The following SCGN variants were observed in gnomAD, a reference collection of about 807,000 sequenced individuals.
The protein encoded by SCGN is secretagogin, EF-hand calcium binding protein.
SCGN carries 30 observed loss-of-function variants against 39.7 expected under a neutral mutation model. The observed-to-expected ratio is 0.76, with a 90% CI of 0.57 to 1.03. The LOEUF is 1.03. Among genes scored for constraint, SCGN ranks in the 50% least tolerant of loss-of-function variants. The pLI is 0.00. For synonymous variants in SCGN, 106 were observed against 114.1 expected (o/e 0.93, Z 0.45); for missense variants, 353 against 349.4 (o/e 1.01, Z -0.08).
chr6:25,671,033 T>G (rs1340817861), intron 6 of SCGN, among the ~76,000 whole-genome samples: 1 of 148,524 alleles, frequency 6.7e-6, no homozygotes, highest in Non-Finnish European at 1.5e-5. Context: ...ATATTTATTA[T>G]ATAAAGAGTT....
At chr6:25,653,285 AG>A in intron 1 of SCGN, 96 bp from the exon 2 acceptor site, 1 of 835,274 alleles carries the variant, frequency 1.2e-6, no homozygotes, top group South Asian at 1.7e-5. Flanking sequence ...TGTTGAGGGA[AG>A]CTTTATGAAT....
intron 10 of SCGN, among the ~76,000 whole-genome samples, chr6:25,694,394 C>T (rs1174526946): frequency 6.6e-6 from 1 of 152,068 alleles, no homozygotes; most frequent in Non-Finnish European, 1.5e-5. Flanking sequence ...AATACTAGAC[C>T]ATGCAAAAAA....
chr6:25,652,566 C>A, intron 1 of SCGN, 81 bp downstream of exon 1: 1 of 1,348,758 alleles, frequency 7.4e-7, no homozygotes. Flanking sequence ...GGAGTTTCCC[C>A]TTTACTGTAG....
At chr6:25,680,339 G>C (rs1255711031) in intron 6 of SCGN, among the ~76,000 whole-genome samples, 5 of 152,202 alleles carry the variant, frequency 3.3e-5, no homozygotes, top group African/African-American at 4.8e-5. Context: ...GAAAGTAGAA[G>C]AGCAGACACA....
intron 10 of SCGN, among the ~76,000 whole-genome samples, chr6:25,692,141 G>T (rs2151382964): frequency 6.6e-6 from 1 of 152,242 alleles, no homozygotes; most frequent in East Asian, 1.9e-4. Flanking sequence ...ACGGGCATTT[G>T]CACAGCCAGA....
At chr6:25,682,096 A>T in intron 7 of SCGN, 90 bp downstream of exon 7, 1 of 948,358 alleles carries the variant, frequency 1.1e-6, no homozygotes, top group Non-Finnish European at 1.7e-6. Flanking sequence ...ACTGGAGATC[A>T]AGCCTCACCT....
chr6:25,687,772 T>G (rs921246764), intron 7 of SCGN, among the ~76,000 whole-genome samples: 24 of 152,194 alleles, frequency 1.6e-4, no homozygotes, highest in African/African-American at 5.8e-4. Context: ...AATTCTTCTG[T>G]CCTTCCATTA....
chr6:25,661,210 T>C (rs1453424562), intron 2 of SCGN, among the ~76,000 whole-genome samples: 1 of 152,172 alleles, frequency 6.6e-6, no homozygotes, highest in Non-Finnish European at 1.5e-5. Context: ...GGGAAGAAAA[T>C]CTGTAATTAC....
chr6:25,680,054 A>AT (rs1027038990), intron 6 of SCGN, among the ~76,000 whole-genome samples: 2 of 152,152 alleles, frequency 1.3e-5, no homozygotes, highest in African/African-American at 2.4e-5. Context: ...ACAAACGCAG[A>AT]TTTTTTTTAC....
At chr6:25,657,655 A>ATATATATATATAATATATATATTACGTG (rs1195703291) in intron 2 of SCGN, among the ~76,000 whole-genome samples, 4 of 148,834 alleles carry the variant, frequency 2.7e-5, no homozygotes, top group Non-Finnish European at 5.9e-5. Context: ...TTAAGATTTT[A>ATATATATATATAATATATATATTACGTG]TATATATATA....
intron 10 of SCGN, among the ~76,000 whole-genome samples, chr6:25,695,969 C>A (rs542513064): frequency 6.6e-6 from 1 of 152,154 alleles, no homozygotes; most frequent in South Asian, 2.1e-4. Flanking sequence ...ACACTAACAT[C>A]GGAAGCCAAA....
chr6:25,674,014 A>G (rs535904451), intron 6 of SCGN, among the ~76,000 whole-genome samples: 18 of 152,234 alleles, frequency 1.2e-4, no homozygotes, highest in African/African-American at 4.3e-4. Flanking sequence ...CACACTTTTA[A>G]ACAACCAGAT....
intron 3 of SCGN, among the ~76,000 whole-genome samples, chr6:25,662,858 A>T (rs968394289): frequency 6.6e-6 from 1 of 152,216 alleles, no homozygotes; most frequent in African/African-American, 2.4e-5. Flanking sequence ...TAAACAAAAT[A>T]TTCATAACTA....
At chr6:25,670,378 A>C (rs550282109) in intron 6 of SCGN, among the ~76,000 whole-genome samples, 1 of 152,202 alleles carries the variant, frequency 6.6e-6, no homozygotes, top group Admixed American at 6.5e-5. Flanking sequence ...TTGAAGTCAC[A>C]TGGAAACAAG....
In SCGN at chr6:25,691,081, C is replaced by T. The variant is rs754057615; in HGVS notation, c.659C>T (p.Pro220Leu). 7 of 1,613,756 alleles carry T rather than the reference C, an allele frequency of 4.3e-6. No individual in the cohort carries two copies. The highest frequency in any genetic ancestry group is 1.1e-5 in the South Asian group (1 of 91,050). The change falls in exon 10 of 11, where the codon CCA (proline) becomes CTA (leucine). Residue 220 changes from proline to leucine, a missense_variant. Coordinates refer to ENST00000377961, the MANE Select transcript of SCGN (RefSeq NM_006998.4). ...DVSKTGALEG[P>L]EVDGFVKDMM... ...AGTAAAACAGGAGCCCTGGAAGGCC[C>T]AGAAGTGGATGGGTTTGTCAAAGAC... is the stretch of plus-strand genomic sequence containing the variant.
chr6:25,682,385 C>A (rs1265308282), intron 7 of SCGN, among the ~76,000 whole-genome samples: 1 of 49,588 alleles, frequency 2.0e-5, no homozygotes, highest in African/African-American at 1.1e-4. Context: ...GACTACTCAG[C>A]CGACTCCAGG....
At chr6:25,659,135 C>A (rs1760286710) in intron 2 of SCGN, among the ~76,000 whole-genome samples, 1 of 152,190 alleles carries the variant, frequency 6.6e-6, no homozygotes, top group Admixed American at 6.5e-5. Context: ...ACTTCCCTAG[C>A]ATTAAAATTG....
At chr6:25,672,711 A>G (rs540152176) in intron 6 of SCGN, among the ~76,000 whole-genome samples, 2 of 152,292 alleles carry the variant, frequency 1.3e-5, no homozygotes, top group South Asian at 2.1e-4. Context: ...CTAGAGGGCT[A>G]TGATGCAGAG....
At chr6:25,661,092 T>A (rs1215464415) in intron 2 of SCGN, among the ~76,000 whole-genome samples, 9 of 152,152 alleles carry the variant, frequency 5.9e-5, no homozygotes, top group Non-Finnish European at 7.4e-5. Context: ...TCTCATTATG[T>A]TTTTTTCCTC....
Sources: gnomAD v4.1 joint callset for allele counts (sites outside exome capture counted in the v4.1 genomes callset) on GRCh38, gnomAD v4.1.1 for gene constraint, MANE v1.5 for transcripts, NCBI Gene and HGNC (gene_info 2026-07-23, HGNC 2026-07-21) for gene names.